Variants in PHKB observed in about 807,000 individuals in gnomAD.
The protein encoded by PHKB is phosphorylase b kinase regulatory subunit beta.
In PHKB, 122 loss-of-function variants were observed where a neutral mutation model predicts 152.1. That is an observed-to-expected ratio of 0.80 (90% CI 0.69 to 0.93). PHKB has a LOEUF of 0.93. Ranked by LOEUF, PHKB falls within the 40% of genes least tolerant of loss-of-function variation. The pLI, the probability that PHKB is intolerant of heterozygous loss-of-function variation, is 0.00. For synonymous variants in PHKB, 436 were observed against 464.9 expected, an observed-to-expected ratio of 0.94 and a Z score of 0.80; for missense variants, 1,304 against 1,328.4, an observed-to-expected ratio of 0.98 and a Z score of 0.29.
intron 16 of PHKB, among the ~76,000 whole-genome samples, chr16:47,642,276 A>G (rs1156857952): frequency 6.6e-6 from 1 of 152,152 alleles, no homozygotes; most frequent in Non-Finnish European, 1.5e-5. Flanking sequence ...TCTCAAAGCA[A>G]TTATAAAGTA....
At chr16:47,544,298 C>T (rs537605361) in intron 6 of PHKB, among the ~76,000 whole-genome samples, 10 of 152,260 alleles carry the variant, frequency 6.6e-5, no homozygotes, top group Non-Finnish European at 1.2e-4. Flanking sequence ...TCTTTGTTTT[C>T]GTTGGTTTCA....
chr16:47,542,877 T>G (rs1044132877), intron 6 of PHKB, among the ~76,000 whole-genome samples: 41 of 152,372 alleles, frequency 2.7e-4, no homozygotes, highest in South Asian at 4.1e-4. Context: ...CTGAAGTTGC[T>G]TATCAGCTTA....
chr16:47,525,098 A>T (rs1049685908), intron 6 of PHKB, among the ~76,000 whole-genome samples: 1 of 152,174 alleles, frequency 6.6e-6, no homozygotes, highest in African/African-American at 2.4e-5. Context: ...ATAATTACAT[A>T]AATTATCCAT....
At chr16:47,695,330 C>T (rs564469818) in intron 28 of PHKB, among the ~76,000 whole-genome samples, 1 of 152,216 alleles carries the variant, frequency 6.6e-6, no homozygotes, top group South Asian at 2.1e-4. Context: ...TTCTGTAACC[C>T]CGTTAAGCCC....
intron 26 of PHKB, among the ~76,000 whole-genome samples, chr16:47,677,437 T>C (rs1267803990): frequency 1.3e-5 from 2 of 152,192 alleles, no homozygotes; most frequent in African/African-American, 4.8e-5. Context: ...AGAAATTTAT[T>C]TTCTCACAAT....
intron 6 of PHKB, among the ~76,000 whole-genome samples, chr16:47,536,546 A>G (rs1205863421): frequency 1.3e-5 from 2 of 152,226 alleles, no homozygotes; most frequent in Admixed American, 1.3e-4. Flanking sequence ...AACTTGCTGG[A>G]TTTAAATAAA....
rs151268281 is a variant in PHKB at position 47,494,578 on chromosome 16, C to T, written c.77-2821C>T. Among the ~76,000 whole-genome samples the T allele has an allele frequency of 6.4e-4, 98 of 152,250 alleles. 1 individual carries two copies. Among genetic ancestry groups the T allele is most frequent in the African/African-American group, 2.1e-3 (87 of 41,546 alleles). ...AGCCTGGTAAGTTTTGCATACCTCA[C>T]CTAGCTCAGTCTGCTCTGAGCTATT... is the stretch of plus-strand genomic sequence containing the variant. On this transcript the variant is annotated intron_variant, in intron 1 of 30. Coordinates refer to ENST00000323584, the MANE Select transcript of PHKB (RefSeq NM_000293.3).
At chr16:47,613,420 C>T (rs1306339889) in intron 14 of PHKB, among the ~76,000 whole-genome samples, 2 of 152,034 alleles carry the variant, frequency 1.3e-5, no homozygotes, top group Non-Finnish European at 2.9e-5. Flanking sequence ...TACTAAAGGT[C>T]GGTTATGTAG....
At chr16:47,554,828 C>T (rs555269571) in intron 7 of PHKB, among the ~76,000 whole-genome samples, 137 of 152,166 alleles carry the variant, frequency 9.0e-4, no homozygotes, top group Non-Finnish European at 1.7e-3. Flanking sequence ...TGCTTCAGCT[C>T]GCTCTCTGTG....
At chr16:47,668,333 CACTCCATTACAAAATTGAGGCAATAG>C (rs1973575381) in intron 25 of PHKB, among the ~76,000 whole-genome samples, 4 of 152,192 alleles carry the variant, frequency 2.6e-5, no homozygotes, top group Admixed American at 6.5e-5. Context: ...TCACAGTTTT[CACTCCATTACAAAATTGAGGCAATAG>C]ACTCCATGTT....
chr16:47,565,985 C>G, intron 7 of PHKB: 1 of 770,388 alleles, frequency 1.3e-6, no homozygotes, highest in Middle Eastern at 3.4e-4. Flanking sequence ...AGCTCTATGA[C>G]CGATCATCCC....
At chr16:47,462,520 G>A (rs891684199) in intron 1 of PHKB, 11 of 152,140 alleles carry the variant, frequency 7.2e-5, no homozygotes, top group Non-Finnish European at 1.2e-4. Flanking sequence ...TGTAACCCCA[G>A]CTACTCGGGA....
chr16:47,606,467 A>T (rs1175369011), intron 13 of PHKB, among the ~76,000 whole-genome samples: 1 of 152,106 alleles, frequency 6.6e-6, no homozygotes, highest in Non-Finnish European at 1.5e-5. Flanking sequence ...AGAGCCAAAG[A>T]TCAAGAATGA....
intron 26 of PHKB, among the ~76,000 whole-genome samples, chr16:47,674,880 AAGGCAAAACC>A (rs1277771571): frequency 1.3e-5 from 2 of 152,188 alleles, no homozygotes; most frequent in Non-Finnish European, 2.9e-5. Context: ...CACCTCCCCT[AAGGCAAAACC>A]AGCCCTGCCA....
At chr16:47,631,237 T>C (rs10521162) in intron 14 of PHKB, among the ~76,000 whole-genome samples, 17,797 of 152,184 alleles carry the variant, frequency 0.12, 2,268 homozygotes, top group African/African-American at 0.32. Context: ...GCCATATTGA[T>C]TTCAGACCTG....
At chr16:47,648,427 G>C in intron 16 of PHKB, 106 bp from the exon 17 acceptor site, 1 of 849,170 alleles carries the variant, frequency 1.2e-6, no homozygotes, top group Non-Finnish European at 2.0e-6. Flanking sequence ...GGGTTCCCTA[G>C]CTTCTTTCTC....
chr16:47,511,709 C>G lies in PHKB; in HGVS notation c.450C>G (p.His150Gln), dbSNP rs1271483148. The G allele has an allele frequency of 6.2e-7, 1 of 1,613,478 alleles. No individual in the cohort carries two copies. The highest frequency in any genetic ancestry group is 8.5e-7 in the Non-Finnish European group (1 of 1,179,512). Reference sequence around the variant, plus strand: ...ATCCACGCCCAACAACATGTCTTCACTCTGTTTTCAATGTGCATACAGGAG... The same window carrying G: ...ATCCACGCCCAACAACATGTCTTCAGTCTGTTTTCAATGTGCATACAGGAG... Reference protein sequence around the residue: ...KQDPRPTTCLHSVFNVHTGDE... With the variant: ...KQDPRPTTCLQSVFNVHTGDE... The change falls in exon 5 of 31, where the codon CAC (histidine) becomes CAG (glutamine). Residue 150 changes from histidine (H) to glutamine (Q), a missense_variant. By Grantham distance (24) the His-to-Gln change is conservative (BLOSUM62 0). Transcript: ENST00000323584.
intron 14 of PHKB, among the ~76,000 whole-genome samples, chr16:47,622,099 G>A (rs1028978331): frequency 1.3e-5 from 2 of 151,424 alleles, no homozygotes; most frequent in Non-Finnish European, 2.9e-5. Context: ...AAGTAAGAAA[G>A]CAAGATTTAT....
chr16:47,620,742 C>T (rs1269958624), intron 14 of PHKB, among the ~76,000 whole-genome samples: 4 of 151,976 alleles, frequency 2.6e-5, no homozygotes, highest in African/African-American at 4.8e-5. Flanking sequence ...GGTGTGGTGG[C>T]GTGTACTTGT....
Sources: gnomAD v4.1 joint callset for allele counts (sites outside exome capture counted in the v4.1 genomes callset) on GRCh38, gnomAD v4.1.1 for gene constraint, MANE v1.5 for transcripts, NCBI Gene and HGNC (gene_info 2026-07-23, HGNC 2026-07-21) for gene names.